TBCK: variants seen among roughly 807,000 people sequenced by gnomAD.
TBCK encodes TBC domain-containing protein kinase-like protein.
Under a neutral mutation model 113.4 loss-of-function variants are expected in TBCK, and 99 were observed. The observed-to-expected ratio is 0.87, with a 90% CI of 0.74 to 1.03. TBCK has a LOEUF of 1.03. TBCK is among the 50% of genes least tolerant of loss of function. TBCK has a pLI of 0.00. For synonymous variants in TBCK, 369 were observed against 370.8 expected (o/e 1.00, Z 0.05); for missense variants, 1,045 against 1,061.3 (o/e 0.98, Z 0.21).
chr4:106,116,436 C>T (rs905933448), intron 23 of TBCK, 58 bp from the exon 24 acceptor site: 10 of 1,354,422 alleles, frequency 7.4e-6, no homozygotes, highest in Non-Finnish European at 9.3e-6. Flanking sequence ...AACAAATTAT[C>T]CCCAGTAATA....
chr4:106,314,302 T>G (rs1768514230), intron 1 of TBCK, among the ~76,000 whole-genome samples: 1 of 152,110 alleles, frequency 6.6e-6, no homozygotes, highest in Non-Finnish European at 1.5e-5. Flanking sequence ...AAAAAGTAGT[T>G]TACGTATATT....
intron 23 of TBCK, among the ~76,000 whole-genome samples, chr4:106,128,803 A>G (rs190909132): frequency 9.2e-5 from 14 of 152,294 alleles, no homozygotes; most frequent in African/African-American, 1.2e-4. Context: ...AACTAGACAA[A>G]AATGCCAAGA....
At chr4:106,176,092 T>C (rs1024918062) in intron 22 of TBCK, among the ~76,000 whole-genome samples, 2 of 152,160 alleles carry the variant, frequency 1.3e-5, no homozygotes, top group Non-Finnish European at 2.9e-5. Context: ...ACATGTGATA[T>C]TTTGCTATAT....
chr4:106,306,751 C>G (rs201091776), intron 2 of TBCK, among the ~76,000 whole-genome samples: 2 of 152,092 alleles, frequency 1.3e-5, no homozygotes, highest in South Asian at 2.1e-4. Flanking sequence ...CTCTGACTTC[C>G]CAATTTGTTC....
At chr4:106,309,305 CTTTTTTTTTTTTTT>C (rs536969885) in intron 1 of TBCK, among the ~76,000 whole-genome samples, 17,632 of 103,218 alleles carry the variant, frequency 0.17, 1,360 homozygotes, top group South Asian at 0.32. Context: ...AGGCTCTTCT[CTTTTTTTTTTTTTT>C]TTTTTTTTTT....
chr4:106,154,969 C>T (rs1462639604), intron 23 of TBCK, among the ~76,000 whole-genome samples: 1 of 151,500 alleles, frequency 6.6e-6, no homozygotes, highest in Non-Finnish European at 1.5e-5. Context: ...TTTTTTAACC[C>T]TCAGATAATC....
chr4:106,249,071 G>A, intron 7 of TBCK, 89 bp from the exon 8 acceptor site: 3 of 813,842 alleles, frequency 3.7e-6, no homozygotes, highest in South Asian at 4.9e-5. Context: ...ATGTTTTAAT[G>A]GAGTAATGCA....
chr4:106,043,431 T>C lies in TBCK; in HGVS notation c.*3139A>G, dbSNP rs1456330065. On this transcript the variant is annotated 3_prime_UTR_variant, in exon 26 of 26. Transcript: ENST00000394708. Reference sequence around the variant, plus strand: ...TTATTTTTATTTTTCTCCCTTCAAATAGATTCTAAAATTGATAGATTCAAT... The same window carrying C: ...TTATTTTTATTTTTCTCCCTTCAAACAGATTCTAAAATTGATAGATTCAAT... 2 of 152,174 alleles carry C rather than the reference T, an allele frequency of 1.3e-5. No individual in the cohort carries two copies. The highest frequency in any genetic ancestry group is 6.5e-5 in the Admixed American group (1 of 15,272). The allele number at this position is 152,174 out of a possible 1,614,324, so 9.4% of individuals were successfully genotyped here. A position where few individuals can be genotyped will look rare whatever the true frequency, so the allele number is the denominator to read the frequency against.
rs181368714 is a variant in TBCK, at chr4:106,239,566, T to A, written c.1171-2758A>T. On this transcript the variant is annotated intron_variant, in intron 12 of 25. Coordinates refer to ENST00000394708, the MANE Select transcript of TBCK (RefSeq NM_001163435.3). Reference sequence around the variant, plus strand: ...TGGCCAACAAAAGCCCACCAATAGGTGACATTTTAGCAGAGAATGTAAAGA... The same window carrying A: ...TGGCCAACAAAAGCCCACCAATAGGAGACATTTTAGCAGAGAATGTAAAGA... Among the ~76,000 whole-genome samples, 89 of 152,072 alleles carry A rather than the reference T, an allele frequency of 5.9e-4. 3 individuals are homozygous for A. The highest frequency in any genetic ancestry group is 1.7e-3 in the Admixed American group (26 of 15,246).
chr4:106,185,989 T>C (rs1286506071), intron 22 of TBCK, among the ~76,000 whole-genome samples: 1 of 152,134 alleles, frequency 6.6e-6, no homozygotes, highest in Non-Finnish European at 1.5e-5. Context: ...GGTATTTGAT[T>C]TTCTGTTCCT....
chr4:106,084,708 C>G (rs759594697), intron 25 of TBCK, among the ~76,000 whole-genome samples: 18 of 152,138 alleles, frequency 1.2e-4, no homozygotes, highest in Non-Finnish European at 1.9e-4. Context: ...AGGTAACCTA[C>G]AAAGGGAAGC....
intron 19 of TBCK, among the ~76,000 whole-genome samples, chr4:106,219,358 C>T (rs987975630): frequency 7.4e-5 from 11 of 149,546 alleles, no homozygotes; most frequent in African/African-American, 9.9e-5. Flanking sequence ...TACCCTAAAA[C>T]TTAAAGTATA....
chr4:106,268,445 G>T (rs1763180594), intron 3 of TBCK, among the ~76,000 whole-genome samples: 1 of 151,970 alleles, frequency 6.6e-6, no homozygotes, highest in Non-Finnish European at 1.5e-5. Context: ...AAAAATAGGT[G>T]TTAAAATACA....
chr4:106,204,789 C>T (rs965309784), intron 20 of TBCK, among the ~76,000 whole-genome samples: 12 of 120,332 alleles, frequency 1.0e-4, no homozygotes, highest in African/African-American at 2.7e-4. Flanking sequence ...GACGGAGTCT[C>T]GCTCTGTCGC....
intron 7 of TBCK, among the ~76,000 whole-genome samples, chr4:106,249,398 C>T (rs796613439): frequency 1.3e-5 from 2 of 152,178 alleles, no homozygotes; most frequent in African/African-American, 4.8e-5. Context: ...TTTGTGGATG[C>T]GAAATCTGCA....
intron 24 of TBCK, among the ~76,000 whole-genome samples, chr4:106,112,684 C>T (rs533951720): frequency 1.9e-4 from 29 of 152,266 alleles, no homozygotes; most frequent in African/African-American, 5.3e-4. Context: ...CCGACTTCAG[C>T]ATTTGCTAGA....
intron 20 of TBCK, among the ~76,000 whole-genome samples, chr4:106,200,162 C>T (rs1754714840): frequency 6.6e-6 from 1 of 152,202 alleles, no homozygotes; most frequent in African/African-American, 2.4e-5. Context: ...GCTGCTTTCG[C>T]TTGGTTTGCT....
chr4:106,160,989 T>C (rs1316715994), intron 23 of TBCK, among the ~76,000 whole-genome samples: 1 of 151,964 alleles, frequency 6.6e-6, no homozygotes, highest in Non-Finnish European at 1.5e-5. Context: ...TATGAGGTAC[T>C]TAGAGTAGTC....
At chr4:106,089,021 G>A (rs946226682) in intron 25 of TBCK, among the ~76,000 whole-genome samples, 2 of 144,396 alleles carry the variant, frequency 1.4e-5, no homozygotes, top group African/African-American at 2.7e-5. Flanking sequence ...AAACCTGCAT[G>A]TTCTGTACAT....
Sources: allele counts gnomAD v4.1 joint callset (sites outside exome capture counted in the v4.1 genomes callset), GRCh38; gene constraint gnomAD v4.1.1; transcripts MANE v1.5; gene names NCBI Gene and HGNC (gene_info 2026-07-23, HGNC 2026-07-21).